ZZZ3: variants seen among roughly 807,000 people sequenced by gnomAD.
ZZZ3 encodes the protein zinc finger ZZ-type containing 3.
ZZZ3 carries 22 observed loss-of-function variants against 95.2 expected under a neutral mutation model. The observed-to-expected ratio is 0.23, with a 90% CI of 0.17 to 0.33. The LOEUF (loss-of-function observed/expected upper bound fraction) is 0.33, where lower values mean the gene tolerates loss of function less well. Ranked by LOEUF, ZZZ3 falls within the 10% of genes least tolerant of loss-of-function variation. The pLI is 1.00. For synonymous variants in ZZZ3, 335 were observed against 358.9 expected (o/e 0.93, Z 0.75); for missense variants, 885 against 1,066.5 (o/e 0.83, Z 2.37).
chr1:77,566,408 G>C (rs989610783), intron 13 of ZZZ3, among the ~76,000 whole-genome samples: 18 of 152,124 alleles, frequency 1.2e-4, no homozygotes, highest in Admixed American at 8.5e-4. Flanking sequence ...AGGAACATTG[G>C]AAGGGATAAT....
intron 5 of ZZZ3, among the ~76,000 whole-genome samples, chr1:77,588,072 T>A (rs1402966422): frequency 6.6e-6 from 1 of 152,194 alleles, no homozygotes; most frequent in African/African-American, 2.4e-5. Flanking sequence ...CAGTAGGCTA[T>A]TAGTAGTCAA....
intron 5 of ZZZ3, among the ~76,000 whole-genome samples, chr1:77,596,211 G>A (rs896246917): frequency 4.6e-5 from 7 of 152,076 alleles, no homozygotes; most frequent in Admixed American, 6.6e-5. Flanking sequence ...CTAAATCAAT[G>A]TTTCTAAAGA....
intron 11 of ZZZ3, among the ~76,000 whole-genome samples, chr1:77,576,576 T>C (rs2100524373): frequency 6.6e-6 from 1 of 152,290 alleles, no homozygotes; most frequent in East Asian, 1.9e-4. Flanking sequence ...AAGTGGCCTA[T>C]GCCAGACATA....
intron 4 of ZZZ3, among the ~76,000 whole-genome samples, chr1:77,637,250 T>A (rs1286413281): frequency 1.3e-5 from 2 of 152,064 alleles, no homozygotes; most frequent in African/African-American, 2.4e-5. Flanking sequence ...AATAAAAAAA[T>A]TTATAAATAA....
At chr1:77,611,594 T>C (rs749948505) in intron 5 of ZZZ3, among the ~76,000 whole-genome samples, 2 of 151,914 alleles carry the variant, frequency 1.3e-5, no homozygotes, top group Non-Finnish European at 2.9e-5. Flanking sequence ...TTTCAAAATA[T>C]ACTACACAAA....
Position 77,576,237 on chromosome 1 carries a change from A to G in ZZZ3, c.2179-17T>C, listed in dbSNP as rs1661925259. On this transcript the variant is annotated splice_polypyrimidine_tract_variant and intron_variant, in intron 11 of 14. Coordinates refer to ENST00000370801, the MANE Select transcript of ZZZ3 (RefSeq NM_015534.6). Reference sequence around the variant, plus strand: ...TGTTGAAGACTAAGTAAGAAAACAAATTTTTAATTGGTTCAGTGAAAAATC... The same window carrying G: ...TGTTGAAGACTAAGTAAGAAAACAAGTTTTTAATTGGTTCAGTGAAAAATC... 1.3e-6 allele frequency: 2 copies of G among 1,558,990 alleles called. No homozygotes were observed. Among genetic ancestry groups the G allele is most frequent in the Non-Finnish European group, 1.7e-6 (2 of 1,157,996 alleles).
At chr1:77,628,708 A>G (rs1394121826) in intron 5 of ZZZ3, among the ~76,000 whole-genome samples, 1 of 152,236 alleles carries the variant, frequency 6.6e-6, no homozygotes, top group East Asian at 1.9e-4. Flanking sequence ...AAAAGTTTCA[A>G]CTAGAATAAC....
intron 5 of ZZZ3, among the ~76,000 whole-genome samples, chr1:77,611,283 A>G (rs1194030648): frequency 6.7e-6 from 1 of 149,178 alleles, no homozygotes; most frequent in Non-Finnish European, 1.5e-5. Context: ...AAAAACTCTT[A>G]GGAATAACTT....
chr1:77,647,569 C>T (rs1358717655), intron 1 of ZZZ3, among the ~76,000 whole-genome samples: 1 of 151,106 alleles, frequency 6.6e-6, no homozygotes, highest in African/African-American at 2.4e-5. Flanking sequence ...ACCATGAGTG[C>T]ACAAAAACAG....
intron 5 of ZZZ3, among the ~76,000 whole-genome samples, chr1:77,594,880 C>A (rs1664068492): frequency 7.0e-6 from 1 of 143,628 alleles, no homozygotes; most frequent in African/African-American, 2.7e-5. Context: ...TACAAAACAA[C>A]CAGATAAGTA....
intron 4 of ZZZ3, among the ~76,000 whole-genome samples, chr1:77,635,164 G>A (rs555763379): frequency 6.6e-6 from 1 of 152,292 alleles, no homozygotes; most frequent in South Asian, 2.1e-4. Flanking sequence ...AACACTACAG[G>A]AAATAATCTC....
At chr1:77,657,546 T>C (rs984916811) in intron 1 of ZZZ3, among the ~76,000 whole-genome samples, 1 of 152,250 alleles carries the variant, frequency 6.6e-6, no homozygotes, top group Middle Eastern at 3.4e-3. Flanking sequence ...ATCAAGCAAC[T>C]CAAATTTCAC....
chr1:77,590,303 G>A (rs1222713976), intron 5 of ZZZ3, among the ~76,000 whole-genome samples: 2 of 152,178 alleles, frequency 1.3e-5, no homozygotes, highest in African/African-American at 4.8e-5. Flanking sequence ...GAACCCGGGA[G>A]GTAGAGGTTG....
rs554675724 is a variant in ZZZ3, at chr1:77,672,850, C to T, written c.-403+9735G>A. 2.0e-5 allele frequency among the ~76,000 whole-genome samples: 3 copies of T among 152,282 alleles called. No individual in the cohort carries two copies. The South Asian group carries it at 6.2e-4, about 32-fold the overall frequency. ...TTACAAAAGTTAGTTCATCTCTCCC[C>T]CATTCTTCAGGAGATAATGTTCCCC... On this transcript the variant is annotated intron_variant, in intron 1 of 14. Coordinates refer to ENST00000370801, the MANE Select transcript of ZZZ3 (RefSeq NM_015534.6).
At chr1:77,585,331 T>TTG (rs1256104889) in intron 5 of ZZZ3, among the ~76,000 whole-genome samples, 1 of 152,194 alleles carries the variant, frequency 6.6e-6, no homozygotes, top group African/African-American at 2.4e-5. Context: ...AACATATAGT[T>TTG]TTACCCACAC....
At chr1:77,589,769 A>C (rs1043879558) in intron 5 of ZZZ3, among the ~76,000 whole-genome samples, 2 of 152,104 alleles carry the variant, frequency 1.3e-5, no homozygotes, top group Non-Finnish European at 2.9e-5. Flanking sequence ...CTATAAGTTA[A>C]TTTTACTGTC....
chr1:77,597,894 T>C (rs1204307459), intron 5 of ZZZ3, among the ~76,000 whole-genome samples: 1 of 152,156 alleles, frequency 6.6e-6, no homozygotes, highest in Non-Finnish European at 1.5e-5. Context: ...CAATGTTGAT[T>C]CATTAATTGT....
At chr1:77,607,915 G>A (rs1376967542) in intron 5 of ZZZ3, among the ~76,000 whole-genome samples, 9 of 132,538 alleles carry the variant, frequency 6.8e-5, no homozygotes, top group Non-Finnish European at 1.4e-4. Flanking sequence ...ACAAGACTCT[G>A]TCTCAAAAAA....
At chr1:77,573,402 G>A (rs191376921) in intron 12 of ZZZ3, among the ~76,000 whole-genome samples, 93 of 152,212 alleles carry the variant, frequency 6.1e-4, no homozygotes, top group African/African-American at 2.0e-3. Context: ...GATTACAGGC[G>A]TGAGCCACAG....
Sources: allele counts gnomAD v4.1 joint callset (sites outside exome capture counted in the v4.1 genomes callset), GRCh38; gene constraint gnomAD v4.1.1; transcripts MANE v1.5; gene names NCBI Gene and HGNC (gene_info 2026-07-23, HGNC 2026-07-21).